THRA: variants seen among roughly 807,000 people sequenced by gnomAD.
The protein encoded by THRA is thyroid hormone receptor alpha, also known as EAR-7.
A neutral mutation model predicts 45.0 loss-of-function variants in THRA; 13 were observed. The observed-to-expected ratio is 0.29, with a 90% CI of 0.19 to 0.46. The LOEUF (loss-of-function observed/expected upper bound fraction) is 0.46, where lower values mean the gene tolerates loss of function less well. Ranked by LOEUF, THRA falls within the 20% of genes least tolerant of loss-of-function variation. The pLI, the probability that THRA is intolerant of heterozygous loss-of-function variation, is 1.00. For synonymous variants in THRA, 195 were observed against 214.0 expected (o/e 0.91, Z 0.78); for missense variants, 278 against 556.1 (o/e 0.50, Z 5.03).
rs561375288 is a variant in THRA at position 40,083,755 on chromosome 17, AC to A, written c.223-76del. On this transcript the variant is annotated intron_variant, in intron 4 of 8. Coordinates refer to ENST00000450525, the MANE Select transcript of THRA (RefSeq NM_199334.5). ...TTGCCTTCCTTGCTCTCCACCCCTG[AC>A]CCCTAGTAAACTGCATGGTTGGTTC... 8,342 of 1,498,624 alleles carry A rather than the reference AC, an allele frequency of 5.6e-3. 33 individuals are homozygous for A. Among genetic ancestry groups the A allele is most frequent in the Non-Finnish European group, 6.9e-3 (7,727 of 1,117,468 alleles). 92.8% of individuals were successfully genotyped at this position (1,498,624 alleles called of 1,614,324 possible).
chr17:40,074,663 C>A, intron 2 of THRA, 122 bp downstream of exon 2: 1 of 1,004,140 alleles, frequency 1.0e-6, no homozygotes, highest in Non-Finnish European at 1.5e-6. Context: ...GCCAGCAAGC[C>A]TTCTGCCTAC....
rs1045356440 is a variant in THRA at position 40,077,065 on chromosome 17, G to A, written c.121+127G>A. On this transcript the variant is annotated intron_variant, in intron 3 of 8. Transcript: ENST00000450525. ...CTGGGGGGAGCCTCCTAGAGGGCTT[G>A]GGATGGACTTGTCTGGGGGTGAGAA... The A allele has an allele frequency of 1.1e-5, 11 of 960,304 alleles. No homozygotes were observed. In the African/African-American group the frequency reaches 1.5e-4, roughly 13 times the overall value. The allele number at this position is 960,304 out of a possible 1,614,324, so 59.5% of individuals were successfully genotyped here. A position where few individuals can be genotyped will look rare whatever the true frequency, so the allele number is the denominator to read the frequency against.
chr17:40,063,365 G>A (rs1037726878), intron 1 of THRA, among the ~76,000 whole-genome samples: 2 of 152,120 alleles, frequency 1.3e-5, no homozygotes, highest in African/African-American at 4.8e-5. Context: ...TGGAGGGCCC[G>A]CCCGGCCTCT....
Position 40,083,770 on chromosome 17 carries a change from C to A in THRA, c.223-65C>A, listed in dbSNP as rs574726216. 5.0e-4 allele frequency: 768 copies of A among 1,525,392 alleles called. 1 individual carries two copies. Among genetic ancestry groups the A allele is most frequent in the Non-Finnish European group, 5.8e-4 (655 of 1,131,724 alleles). 94.5% of individuals were successfully genotyped at this position (1,525,392 alleles called of 1,614,324 possible). A position where few individuals can be genotyped will look rare whatever the true frequency, so the allele number is the denominator to read the frequency against. ...TCCACCCCTGACCCCTAGTAAACTG[C>A]ATGGTTGGTTCAGGAAGGGGAAGCC... On this transcript the variant is annotated intron_variant, in intron 4 of 8. Coordinates refer to ENST00000450525, the MANE Select transcript of THRA (RefSeq NM_199334.5).
At chr17:40,086,993 G>GACACACACACACAC in intron 7 of THRA, 140 bp downstream of exon 7, 1 of 1,047,314 alleles carries the variant, frequency 9.5e-7, no homozygotes, top group Non-Finnish European at 1.4e-6. Flanking sequence ...AACATACACA[G>GACACACACACACAC]ACACACACAC....
At position 40,077,338 on chromosome 17, in the gene THRA, T is replaced by C. The variant is rs180773101; in HGVS notation, c.122-170T>C. Among the ~76,000 whole-genome samples the C allele has an allele frequency of 2.8e-3, 433 of 152,282 alleles. 1 individual carries two copies. The Middle Eastern group carries it at 0.051, about 18-fold the overall frequency. Reference sequence around the variant, plus strand: ...GAAGAACTGAGATTCTTCATACTCTTAGGGCAGAGATGGACAGGTTCACCT... The same window carrying C: ...GAAGAACTGAGATTCTTCATACTCTCAGGGCAGAGATGGACAGGTTCACCT... On this transcript the variant is annotated intron_variant, in intron 3 of 8. Coordinates refer to ENST00000450525, the MANE Select transcript of THRA (RefSeq NM_199334.5).
intron 8 of THRA, 126 bp downstream of exon 8, chr17:40,088,626 A>G: frequency 1.7e-6 from 2 of 1,167,934 alleles, no homozygotes. Flanking sequence ...CACCTGGGCC[A>G]TCCCCTATCC....
chr17:40,077,051 C>T, intron 3 of THRA, 113 bp downstream of exon 3: 1 of 1,113,028 alleles, frequency 9.0e-7, no homozygotes, highest in Non-Finnish European at 1.3e-6. Flanking sequence ...TGGGGGGAGC[C>T]TCCTAGAGGG....
intron 1 of THRA, among the ~76,000 whole-genome samples, chr17:40,070,905 C>T (rs925951438): frequency 6.6e-6 from 1 of 150,748 alleles, no homozygotes; most frequent in East Asian, 2.0e-4. Context: ...TCTTTGTCTC[C>T]CCTCCTTCAT....
chr17:40,085,437 G>A (rs906283318), intron 6 of THRA, among the ~76,000 whole-genome samples: 33 of 151,914 alleles, frequency 2.2e-4, no homozygotes, highest in African/African-American at 6.8e-4. Context: ...GGGTTCAAGC[G>A]ATTCTCCCGC....
intron 1 of THRA, among the ~76,000 whole-genome samples, chr17:40,069,297 GTCTC>G (rs1277624694): frequency 2.1e-5 from 3 of 145,680 alleles, no homozygotes; most frequent in Admixed American, 1.4e-4. Context: ...CTCTGTCTCT[GTCTC>G]TCTCTCTCTG....
intron 7 of THRA, among the ~76,000 whole-genome samples, chr17:40,087,378 CACAG>C (rs1281012254): frequency 6.7e-6 from 1 of 149,846 alleles, no homozygotes. Flanking sequence ...ACACCTAGCA[CACAG>C]ACACACACAC....
In THRA at chr17:40,080,233, A is replaced by G. The variant is rs114537657; in HGVS notation, c.222+2625A>G. Among the ~76,000 whole-genome samples, 650 of 152,198 alleles carry G rather than the reference A, an allele frequency of 4.3e-3. 4 individuals carry two copies. The highest frequency in any genetic ancestry group is 0.015 in the African/African-American group (635 of 41,536). ...TGGGCAACATAGTGAGACCCTGTCC[A>G]TACAAAAAAATTTTTAAAGTAGCCA... On this transcript the variant is annotated intron_variant, in intron 4 of 8. Transcript: ENST00000450525.
Position 40,092,857 on chromosome 17 carries a change from G to C in THRA, c.*3401G>C, listed in dbSNP as rs1297422624. The C allele has an allele frequency of 6.0e-6, 6 of 998,730 alleles. No homozygotes were observed. The highest frequency in any genetic ancestry group is 5.2e-5 in the East Asian group (2 of 38,112). 61.9% of individuals were successfully genotyped at this position (998,730 alleles called of 1,614,324 possible). ...AATCAGAGGGCCAGGGGAGGGTTGT[G>C]GGGGAGACAGAGTGGTTTAAATAGG... is the stretch of plus-strand genomic sequence containing the variant. On this transcript the variant is annotated 3_prime_UTR_variant, in exon 9 of 9. Coordinates refer to ENST00000450525, the MANE Select transcript of THRA (RefSeq NM_199334.5).
At chr17:40,070,103 C>G (rs530850064) in intron 1 of THRA, among the ~76,000 whole-genome samples, 1 of 152,172 alleles carries the variant, frequency 6.6e-6, no homozygotes, top group South Asian at 2.1e-4. Flanking sequence ...ATTCTCTAGC[C>G]TCTAAGGTCC....
At chr17:40,066,573 A>G (rs1986572984) in intron 1 of THRA, among the ~76,000 whole-genome samples, 1 of 150,372 alleles carries the variant, frequency 6.7e-6, no homozygotes, top group African/African-American at 2.4e-5. Flanking sequence ...CTGAGGCAGG[A>G]GAATCGCTTG....
chr17:40,088,176 CTAGGGGAGA>C (rs1311228360), intron 7 of THRA, 57 bp from the exon 8 acceptor site: 1 of 1,537,634 alleles, frequency 6.5e-7, no homozygotes, highest in Non-Finnish European at 8.8e-7. Context: ...GTAGGACACT[CTAGGGGAGA>C]CTCAAGGACG....
At chr17:40,075,255 C>T (rs901102544) in intron 2 of THRA, among the ~76,000 whole-genome samples, 7 of 128,726 alleles carry the variant, frequency 5.4e-5, no homozygotes, top group Non-Finnish European at 1.1e-4. Context: ...CCAGTTGGCA[C>T]GGTGCCCTGG....
At chr17:40,081,890 G>T (rs571320985) in intron 4 of THRA, among the ~76,000 whole-genome samples, 2 of 152,108 alleles carry the variant, frequency 1.3e-5, no homozygotes, top group South Asian at 4.2e-4. Context: ...TTGTACCTGG[G>T]AGGTGGAGGT....
Sources: allele counts gnomAD v4.1 joint callset (sites outside exome capture counted in the v4.1 genomes callset), GRCh38; gene constraint gnomAD v4.1.1; transcripts MANE v1.5; gene names NCBI Gene and HGNC (gene_info 2026-07-23, HGNC 2026-07-21).